Variants in ZBTB2 observed in about 807,000 individuals in gnomAD.
ZBTB2 encodes zinc finger and BTB domain-containing protein 2.
A neutral mutation model predicts 39.5 loss-of-function variants in ZBTB2; 2 were observed. That is an observed-to-expected ratio of 0.05 (90% CI 0.02 to 0.16). The LOEUF (loss-of-function observed/expected upper bound fraction) is 0.16. ZBTB2 is among the 10% of genes least tolerant of loss of function. ZBTB2 has a pLI of 1.00. For missense variants in ZBTB2, 391 were observed against 653.0 expected (o/e 0.60, Z 4.37); for synonymous variants, 251 against 256.6 (o/e 0.98, Z 0.21).
chr6:151,382,681 G>A (rs1376973823), intron 1 of ZBTB2, among the ~76,000 whole-genome samples: 1 of 151,820 alleles, frequency 6.6e-6, no homozygotes, highest in African/African-American at 2.4e-5. Context: ...TCAGCTTTCC[G>A]GGTAGCTGGG....
chr6:151,369,769 T>TC (rs1266393035), intron 2 of ZBTB2, among the ~76,000 whole-genome samples: 3 of 152,114 alleles, frequency 2.0e-5, no homozygotes, highest in Non-Finnish European at 2.9e-5. Context: ...GGTCAGGTGT[T>TC]CAAGACCAGC....
chr6:151,366,994 T>TGTTG lies in ZBTB2; in HGVS notation c.174-103_174-102insCAAC. The TGTTG allele has an allele frequency of 1.6e-6, 2 of 1,212,204 alleles. No individual in the cohort carries two copies. The highest frequency in any genetic ancestry group is 2.3e-6 in the Non-Finnish European group (2 of 882,158). 75.1% of individuals were successfully genotyped at this position (1,212,204 alleles called of 1,614,324 possible). On this transcript the variant is annotated intron_variant, in intron 2 of 2. Transcript: ENST00000325144. This position sits in a 1 kb window ranked among gnomAD's most constrained non-coding sequence, Gnocchi z 7.1. ...ATGCTTAAAAACAAAGGAAACAACATTTCCTATCCTTGATTTTTAGTAAGT... is the reference window on the plus strand; with the variant it reads ...ATGCTTAAAAACAAAGGAAACAACATGTTGTTCCTATCCTTGATTTTTAGTAAGT...
At position 151,373,860 on chromosome 6, in the gene ZBTB2, A is replaced by AC. The variant is rs1160806672; in HGVS notation, c.-12-212_-12-211insG. Among the ~76,000 whole-genome samples the AC allele has an allele frequency of 2.1e-3, 273 of 131,834 alleles. 8 individuals are homozygous for AC. Among genetic ancestry groups the AC allele is most frequent in the African/African-American group, 8.4e-3 (261 of 31,162 alleles). 86.5% of individuals were successfully genotyped at this position (131,834 alleles called of 152,430 possible). ...TATGCCTTTAAAAAAAAAAAAAAAA[A>AC]AAAAAAAAAAAAAAAAACCAGATGA... On this transcript the variant is annotated intron_variant, in intron 1 of 2. Transcript: ENST00000325144.
chr6:151,366,257 C>T lies in ZBTB2; in HGVS notation c.809G>A (p.Arg270His). The change falls in exon 3 of 3, where the codon CGT becomes CAT. Residue 270 changes from arginine (R) to histidine (H), a missense_variant. Transcript: ENST00000325144. This position sits in a 1 kb window ranked among gnomAD's most constrained non-coding sequence, Gnocchi z 7.1. ...TCCTGTGTGGATCTGGAGGTGTTCA[C>T]GTAAGCTGCTCCGGAGAGTGAAGCG... The part of the protein sequence containing the change: ...GRRFTLRSSL[R>H]EHLQIHTGVP... 6.2e-7 allele frequency: 1 copy of T among 1,608,860 alleles called. No individual in the cohort carries two copies. Among genetic ancestry groups the T allele is most frequent in the Non-Finnish European group, 8.5e-7 (1 of 1,177,940 alleles).
chr6:151,371,018 C>T (rs892945320), intron 2 of ZBTB2, among the ~76,000 whole-genome samples: 1 of 152,178 alleles, frequency 6.6e-6, no homozygotes, highest in African/African-American at 2.4e-5. Flanking sequence ...TATTTTTGCA[C>T]TCCTCAAGAT....
chr6:151,391,430 T>A lies in ZBTB2; in HGVS notation c.-23A>T, dbSNP rs1490885221. Reference sequence around the variant, plus strand: ...GCGGTGCGCGCTTACCTGTCGCCGGTGCTGCTGCGGCGGGGGGTGTGGAGG... The same window carrying A: ...GCGGTGCGCGCTTACCTGTCGCCGGAGCTGCTGCGGCGGGGGGTGTGGAGG... On this transcript the variant is annotated 5_prime_UTR_variant, in exon 1 of 3. Coordinates refer to ENST00000325144, the MANE Select transcript of ZBTB2 (RefSeq NM_020861.3). 2 of 151,568 alleles carry A rather than the reference T, an allele frequency of 1.3e-5. No homozygotes were observed. Among genetic ancestry groups the A allele is most frequent in the Non-Finnish European group, 2.9e-5 (2 of 67,928 alleles). The allele number at this position is 151,568 out of a possible 1,614,324, so 9.4% of individuals were successfully genotyped here. A position where few individuals can be genotyped will look rare whatever the true frequency, so the allele number is the denominator to read the frequency against.
Position 151,365,063 on chromosome 6 carries a change from TA to T in ZBTB2, c.*457del, listed in dbSNP as rs1778614080. On this transcript the variant is annotated 3_prime_UTR_variant, in exon 3 of 3. Coordinates refer to ENST00000325144, the MANE Select transcript of ZBTB2 (RefSeq NM_020861.3). The surrounding 1 kb of genome is among the most constrained non-coding windows in gnomAD (Gnocchi z 5.6). ...AATACTAAGAACGTTTTCTTGGGTT[TA>T]AAGTTTCCCCACACTTTCTAGATTT... The T allele has an allele frequency of 6.4e-6, 1 of 155,980 alleles. No homozygotes were observed. The highest frequency in any genetic ancestry group is 2.4e-5 in the African/African-American group (1 of 41,474). 9.7% of individuals were successfully genotyped at this position (155,980 alleles called of 1,614,324 possible).
At chr6:151,370,942 G>A (rs944049369) in intron 2 of ZBTB2, among the ~76,000 whole-genome samples, 4 of 152,156 alleles carry the variant, frequency 2.6e-5, no homozygotes, top group African/African-American at 4.8e-5. Flanking sequence ...TTGTTAGAAA[G>A]GCATTTATTT....
At chr6:151,389,044 A>G (rs1229364649) in intron 1 of ZBTB2, among the ~76,000 whole-genome samples, 2 of 152,248 alleles carry the variant, frequency 1.3e-5, no homozygotes, top group East Asian at 1.9e-4. Flanking sequence ...TTCTTTGTCT[A>G]GCAAACAAAC....
At position 151,373,843 on chromosome 6, in the gene ZBTB2, T is replaced by TAAAA. The variant is rs200070063; in HGVS notation, c.-12-198_-12-195dup. The stretch of plus-strand genomic sequence containing the variant: ...TGAAGTAGTTATGTCATTATGCCTT[T>TAAAA]AAAAAAAAAAAAAAAAAAAAAAAAA... On this transcript the variant is annotated intron_variant, in intron 1 of 2. Transcript: ENST00000325144. Among the ~76,000 whole-genome samples, 424 of 45,946 alleles carry TAAAA rather than the reference T, an allele frequency of 9.2e-3. 53 individuals carry two copies. The highest frequency in any genetic ancestry group is 0.012 in the Non-Finnish European group (262 of 22,144). The allele number at this position is 45,946 out of a possible 152,430, so 30.1% of individuals were successfully genotyped here.
At chr6:151,386,592 C>T (rs1176623991) in intron 1 of ZBTB2, among the ~76,000 whole-genome samples, 1 of 152,156 alleles carries the variant, frequency 6.6e-6, no homozygotes, top group Admixed American at 6.5e-5. Context: ...TGGAGATTGC[C>T]TTTGTTTTTT....
chr6:151,375,115 A>G (rs1223188655), intron 1 of ZBTB2, among the ~76,000 whole-genome samples: 6 of 152,020 alleles, frequency 3.9e-5, no homozygotes, highest in African/African-American at 1.4e-4. Flanking sequence ...GCGAGACTCC[A>G]TCTCAAAAAA....
chr6:151,373,252 G>T (rs942043316), intron 2 of ZBTB2, among the ~76,000 whole-genome samples: 1 of 151,324 alleles, frequency 6.6e-6, no homozygotes, highest in Admixed American at 6.6e-5. Context: ...ATCTGGAGGT[G>T]GAAGGGCTGC....
chr6:151,385,463 A>G (rs1779130640), intron 1 of ZBTB2, among the ~76,000 whole-genome samples: 1 of 152,204 alleles, frequency 6.6e-6, no homozygotes, highest in South Asian at 2.1e-4. Context: ...GGCACATACA[A>G]TTATGTTGTA....
chr6:151,386,457 C>T (rs1015909224), intron 1 of ZBTB2, among the ~76,000 whole-genome samples: 5 of 152,266 alleles, frequency 3.3e-5, no homozygotes, highest in African/African-American at 1.2e-4. Context: ...TTGCTTGAGC[C>T]AGGGAGGCTG....
intron 2 of ZBTB2, among the ~76,000 whole-genome samples, chr6:151,367,714 A>G (rs1778681296): frequency 6.6e-6 from 1 of 152,228 alleles, no homozygotes. Flanking sequence ...TGGTAGATAA[A>G]GTGGATTTAT....
At chr6:151,373,714 C>A in intron 1 of ZBTB2, 65 bp from the exon 2 acceptor site, 1 of 1,441,366 alleles carries the variant, frequency 6.9e-7, no homozygotes, top group South Asian at 1.3e-5. Flanking sequence ...CCTTTATAGT[C>A]ACCAACAGTC....
At position 151,366,195 on chromosome 6, in the gene ZBTB2, C is replaced by T. The variant is rs367759027; in HGVS notation, c.871G>A (p.Val291Ile). The T allele has an allele frequency of 1.7e-5, 27 of 1,613,978 alleles. No homozygotes were observed. The highest frequency in any genetic ancestry group is 1.2e-4 in the African/African-American group (9 of 74,890). ...FTSSQQGESR[V>I]PLTLCSNAAD... The stretch of plus-strand genomic sequence containing the variant: ...GCATTGCTACAGAGAGTCAGGGGGA[C>T]GCGACTTTCTCCCTGTTGGCTAGAT... The change falls in exon 3 of 3, where the codon GTC (valine) becomes ATC (isoleucine). Residue 291 changes from valine (V) to isoleucine (I), a missense_variant. By Grantham distance (29) the Val-to-Ile change is conservative (BLOSUM62 3). Transcript: ENST00000325144. The surrounding 1 kb of genome is among the most constrained non-coding windows in gnomAD (Gnocchi z 7.1).
intron 2 of ZBTB2, among the ~76,000 whole-genome samples, chr6:151,372,714 T>C (rs575976368): frequency 2.6e-5 from 4 of 152,062 alleles, no homozygotes; most frequent in Non-Finnish European, 5.9e-5. Context: ...AGCTTCTTGT[T>C]AGAGGAGGAG....
Sources: gnomAD v4.1 joint callset for allele counts (sites outside exome capture counted in the v4.1 genomes callset) on GRCh38, gnomAD v4.1.1 for gene constraint, Gnocchi (gnomAD v3.1) non-coding constraint, MANE v1.5 for transcripts, NCBI Gene and HGNC (gene_info 2026-07-23, HGNC 2026-07-21) for gene names.